ROBO1: variants seen among roughly 807,000 people sequenced by gnomAD.
ROBO1 encodes the protein roundabout homolog 1.
In ROBO1, 149 loss-of-function variants were observed where a neutral mutation model predicts 195.9. The ratio of observed to expected loss-of-function variants is 0.76; its 90% CI spans 0.67 to 0.87. ROBO1 has a LOEUF of 0.87. ROBO1 is among the 40% of genes least tolerant of loss of function. The pLI is 0.00. For missense variants in ROBO1, 1,933 were observed against 2,068.3 expected, an observed-to-expected ratio of 0.93 and a Z score of 1.27; for synonymous variants, 816 against 733.2, an observed-to-expected ratio of 1.11 and a Z score of -1.82.
At chr3:78,820,892 T>A (rs2108677788) in intron 4 of ROBO1, among the ~76,000 whole-genome samples, 1 of 152,194 alleles carries the variant, frequency 6.6e-6, no homozygotes, top group East Asian at 1.9e-4. Context: ...AAAAAAAAAA[T>A]TCCCTCTCTG....
chr3:79,651,178 C>T (rs1388251252), intron 1 of ROBO1, among the ~76,000 whole-genome samples: 1 of 151,748 alleles, frequency 6.6e-6, no homozygotes, highest in Admixed American at 6.6e-5. Context: ...ATGGCCTATC[C>T]CATCCAAATT....
chr3:79,076,937 C>T (rs2079184227), intron 3 of ROBO1, among the ~76,000 whole-genome samples: 1 of 151,830 alleles, frequency 6.6e-6, no homozygotes, highest in African/African-American at 2.4e-5. Flanking sequence ...GGTGACTACA[C>T]TATAAGGCAT....
chr3:79,550,195 G>GAAAGAAAGAAAGAAA, intron 2 of ROBO1, among the ~76,000 whole-genome samples: 69 of 100,826 alleles, frequency 6.8e-4, no homozygotes, highest in African/African-American at 3.0e-3. Context: ...AAGAAAGAAA[G>GAAAGAAAGAAAGAAA]GAAAAGAAAA....
chr3:79,762,012 T>A (rs1704725636), intron 1 of ROBO1, among the ~76,000 whole-genome samples: 2 of 152,178 alleles, frequency 1.3e-5, no homozygotes, highest in African/African-American at 2.4e-5. Flanking sequence ...CTTTTAAGAT[T>A]TATTTGGTTC....
At chr3:78,696,022 AAGGTC>A (rs2081280873) in intron 8 of ROBO1, among the ~76,000 whole-genome samples, 1 of 151,986 alleles carries the variant, frequency 6.6e-6, no homozygotes, top group Admixed American at 6.6e-5. Flanking sequence ...CATTTCTCCA[AAGGTC>A]AGGTAAAAGG....
chr3:78,655,399 T>C (rs1426020825), intron 18 of ROBO1, among the ~76,000 whole-genome samples: 1 of 152,144 alleles, frequency 6.6e-6, no homozygotes. Flanking sequence ...CCTGTACCAC[T>C]GAACATTCCC....
intron 3 of ROBO1, among the ~76,000 whole-genome samples, chr3:78,995,978 G>T (rs1395490645): frequency 6.6e-6 from 1 of 151,982 alleles, no homozygotes; most frequent in East Asian, 1.9e-4. Flanking sequence ...GCCTAAAGGG[G>T]CAGCTCCAAT....
chr3:79,650,905 C>A (rs1267316394), intron 1 of ROBO1, among the ~76,000 whole-genome samples: 1 of 151,862 alleles, frequency 6.6e-6, no homozygotes, highest in Non-Finnish European at 1.5e-5. Flanking sequence ...TATTAAATAA[C>A]ATGTTATTAA....
At chr3:78,964,764 G>A (rs796654736) in intron 3 of ROBO1, among the ~76,000 whole-genome samples, 3 of 148,846 alleles carry the variant, frequency 2.0e-5, no homozygotes, top group African/African-American at 7.4e-5. Context: ...CAATGGCTCA[G>A]AGTTTTAGGG....
intron 1 of ROBO1, among the ~76,000 whole-genome samples, chr3:79,608,023 C>T (rs775268555): frequency 5.3e-5 from 8 of 152,024 alleles, no homozygotes; most frequent in South Asian, 2.1e-4. Flanking sequence ...TCAATTAGTA[C>T]GATTTCATCA....
At chr3:79,482,922 T>C (rs565087168) in intron 2 of ROBO1, among the ~76,000 whole-genome samples, 30 of 152,282 alleles carry the variant, frequency 2.0e-4, no homozygotes, top group African/African-American at 6.5e-4. Flanking sequence ...ATAATTGTTC[T>C]AGCTATGCCA....
chr3:79,226,567 G>A (rs1223445894), intron 2 of ROBO1, among the ~76,000 whole-genome samples: 1 of 144,842 alleles, frequency 6.9e-6, no homozygotes, highest in African/African-American at 2.6e-5. Flanking sequence ...TTAAGACAGA[G>A]TTTCCCTCTG....
chr3:78,956,775 T>C (rs1037731924), intron 3 of ROBO1, among the ~76,000 whole-genome samples: 1 of 152,192 alleles, frequency 6.6e-6, no homozygotes, highest in Non-Finnish European at 1.5e-5. Context: ...GAAGGGAGTC[T>C]TGAAGACACA....
chr3:79,442,213 T>C (rs1243323387), intron 2 of ROBO1, among the ~76,000 whole-genome samples: 1 of 152,144 alleles, frequency 6.6e-6, no homozygotes, highest in Non-Finnish European at 1.5e-5. Context: ...TGGTCTCTCA[T>C]AGATTTTTTT....
At chr3:79,538,834 T>C (rs1941966480) in intron 2 of ROBO1, among the ~76,000 whole-genome samples, 1 of 152,192 alleles carries the variant, frequency 6.6e-6, no homozygotes, top group East Asian at 1.9e-4. Flanking sequence ...TATGTAAATG[T>C]CATGTTAAAT....
At chr3:79,206,641 C>T (rs2081873823) in intron 2 of ROBO1, among the ~76,000 whole-genome samples, 2 of 152,074 alleles carry the variant, frequency 1.3e-5, no homozygotes, top group Admixed American at 6.6e-5. Flanking sequence ...CTGTTGCTTG[C>T]AGCTGAAAGA....
chr3:78,833,449 T>A (rs932076934), intron 4 of ROBO1, among the ~76,000 whole-genome samples: 1 of 152,132 alleles, frequency 6.6e-6, no homozygotes, highest in Non-Finnish European at 1.5e-5. Context: ...CAATCTTAAT[T>A]GTATAAAACA....
intron 18 of ROBO1, among the ~76,000 whole-genome samples, chr3:78,653,394 A>T (rs1706800279): frequency 6.6e-6 from 1 of 152,106 alleles, no homozygotes; most frequent in African/African-American, 2.4e-5. Flanking sequence ...CCATTCTCAG[A>T]CAGAATGTGA....
chr3:79,473,333 G>A (rs952878966), intron 2 of ROBO1, among the ~76,000 whole-genome samples: 1 of 152,076 alleles, frequency 6.6e-6, no homozygotes, highest in Non-Finnish European at 1.5e-5. Flanking sequence ...CTAGGAGAGA[G>A]CCATGAAGTA....
Sources: allele counts gnomAD v4.1 joint callset (sites outside exome capture counted in the v4.1 genomes callset), GRCh38; gene constraint gnomAD v4.1.1; transcripts MANE v1.5; gene names NCBI Gene and HGNC (gene_info 2026-07-23, HGNC 2026-07-21).